SHROOM4: variants seen among roughly 807,000 people sequenced by gnomAD.
SHROOM4 encodes protein Shroom4.
SHROOM4 carries 17 observed loss-of-function variants against 80.3 expected under a neutral mutation model. The ratio of observed to expected loss-of-function variants is 0.21; its 90% confidence interval spans 0.14 to 0.32. SHROOM4 has a LOEUF of 0.32. Ranked by LOEUF, SHROOM4 falls within the 10% of genes least tolerant of loss-of-function variation. The probability of loss-of-function intolerance (pLI) is 1.00; values close to 1 mark genes in which losing one functional copy is unlikely to be tolerated. For synonymous variants in SHROOM4, 400 were observed against 437.5 expected (o/e 0.91, Z 1.07); for missense variants, 993 against 1,140.3 (o/e 0.87, Z 1.86).
intron 6 of SHROOM4, 144 bp from the exon 7 acceptor site, chrX:50,602,957 C>A (rs1929498064): frequency 3.5e-6 from 2 of 573,496 alleles, no homozygotes; most frequent in Admixed American, 6.2e-5. Flanking sequence ...CAAATGTAAA[C>A]AGGCCACATG....
chrX:50,614,065 T>C (rs971991113), intron 5 of SHROOM4, among the ~76,000 whole-genome samples: 1 of 112,264 alleles, frequency 8.9e-6, no homozygotes, highest in Admixed American at 9.4e-5. Flanking sequence ...ATTCAATACG[T>C]AGTTTTAGAA....
At chrX:50,579,326 G>A in the SHROOM4 span, among the ~76,000 whole-genome samples, 9 of 112,028 alleles carry the variant, frequency 8.0e-5, 1 homozygote, top group East Asian at 2.2e-3. Context: ...TGTGTCCTGG[G>A]TGACAGTGGT....
chrX:50,737,567 G>A (rs1237408462), intron 1 of SHROOM4, among the ~76,000 whole-genome samples: 1 of 111,352 alleles, frequency 9.0e-6, no homozygotes, highest in Non-Finnish European at 1.9e-5. Context: ...ACTAATATTA[G>A]ACAAAATGGA....
rs121434620 is a variant in SHROOM4 at position 50,607,876 on chromosome X, G to A, written c.3266C>T (p.Ser1089Leu). The A allele has an allele frequency of 8.3e-7, 1 of 1,209,715 alleles. No individual in the cohort carries two copies. Among genetic ancestry groups the A allele is most frequent in the African/African-American group, 1.7e-5 (1 of 57,708 alleles). ...CTTCTTCCTGGCTCCGAGAAGATCC[G>A]ACTGGGTCTCATCACCTTTGCTAAA... ...ELFSKGDETQSDLLGARKKAF... is the reference protein window; with the variant it reads ...ELFSKGDETQLDLLGARKKAF... The change falls in exon 6 of 9, where the codon TCG becomes TTG. Residue 1089 changes from serine (S) to leucine (L), a missense_variant. Ser to Leu is a moderately radical substitution (Grantham distance 145). Transcript: ENST00000376020.
chrX:50,717,017 C>G (rs1933972203), intron 1 of SHROOM4, among the ~76,000 whole-genome samples: 1 of 112,344 alleles, frequency 8.9e-6, no homozygotes, highest in Non-Finnish European at 1.9e-5. Flanking sequence ...GCCTGCTTCC[C>G]AGGAAGACTA....
intron 2 of SHROOM4, among the ~76,000 whole-genome samples, chrX:50,657,000 A>G (rs1371966731): frequency 2.7e-5 from 3 of 110,579 alleles, no homozygotes; most frequent in Admixed American, 9.7e-5. Flanking sequence ...TTTATTCCTA[A>G]GTATTTTAGA....
In SHROOM4 at chrX:50,589,278, T is replaced by TA. The variant is rs782433637; in HGVS notation, c.*7416dup. 8.9e-6 allele frequency among the ~76,000 whole-genome samples: 1 copy of TA among 112,050 alleles called. No homozygotes were observed. The highest frequency in any genetic ancestry group is 3.2e-5 in the African/African-American group (1 of 30,835). Reference sequence around the variant, plus strand: ...TGATGGAAATAATCAATAGCTTTTTTAAAAAAACACACTTATTGAGAAATA... The same window carrying TA: ...TGATGGAAATAATCAATAGCTTTTTTAAAAAAAACACACTTATTGAGAAATA... On this transcript the variant is annotated 3_prime_UTR_variant, in exon 9 of 9. Transcript: ENST00000376020.
intron 5 of SHROOM4, among the ~76,000 whole-genome samples, chrX:50,616,795 G>A (rs1930257782): frequency 9.0e-6 from 1 of 111,543 alleles, no homozygotes; most frequent in South Asian, 3.8e-4. Flanking sequence ...AAAGGGTTGG[G>A]AGTGCTATGG....
At chrX:50,745,696 T>C (rs1934759645) in intron 1 of SHROOM4, among the ~76,000 whole-genome samples, 2 of 110,783 alleles carry the variant, frequency 1.8e-5, no homozygotes, top group African/African-American at 6.6e-5. Context: ...AATGAAACTA[T>C]AGCTCTATAA....
chrX:50,638,813 T>C (rs1007980367), intron 2 of SHROOM4, among the ~76,000 whole-genome samples: 8 of 112,944 alleles, frequency 7.1e-5, no homozygotes, highest in African/African-American at 2.3e-4. Context: ...CGTGTAACTC[T>C]GGGATTACAG....
intron 5 of SHROOM4, among the ~76,000 whole-genome samples, chrX:50,613,113 A>C (rs782332929): frequency 8.9e-6 from 1 of 112,109 alleles, no homozygotes; most frequent in African/African-American, 3.2e-5. Flanking sequence ...ATTTATCTGG[A>C]AAATTCATCA....
At position 50,652,761 on chromosome X, in the gene SHROOM4, G is replaced by A. The variant is rs1355683618; in HGVS notation, c.270-14453C>T. 4.4e-4 allele frequency among the ~76,000 whole-genome samples: 49 copies of A among 111,911 alleles called. 1 individual carries two copies. The highest frequency in any genetic ancestry group is 1.5e-4 in the Non-Finnish European group (8 of 53,163). On this transcript the variant is annotated intron_variant, in intron 2 of 8. Coordinates refer to ENST00000376020, the MANE Select transcript of SHROOM4 (RefSeq NM_020717.5). ...TTTTTGTATAAGGTGTAAGGAAGGGGTCCAGTTTCAGTTTTCTGCATATGG... is the reference window on the plus strand; with the variant it reads ...TTTTTGTATAAGGTGTAAGGAAGGGATCCAGTTTCAGTTTTCTGCATATGG...
chrX:50,676,586 C>G (rs1932857336), intron 2 of SHROOM4, among the ~76,000 whole-genome samples: 1 of 111,215 alleles, frequency 9.0e-6, no homozygotes, highest in African/African-American at 3.3e-5. Flanking sequence ...ACTTGAATGA[C>G]TTTTCTATCC....
At chrX:50,684,105 A>G (rs895703774) in intron 2 of SHROOM4, among the ~76,000 whole-genome samples, 2 of 112,253 alleles carry the variant, frequency 1.8e-5, no homozygotes, top group East Asian at 2.8e-4. Flanking sequence ...TGCAAAATTC[A>G]TGTTTACCCA....
intron 7 of SHROOM4, among the ~76,000 whole-genome samples, chrX:50,600,511 G>C (rs188976100): frequency 9.8e-5 from 11 of 112,243 alleles, no homozygotes; most frequent in Admixed American, 7.5e-4. Flanking sequence ...GTTGTTATGA[G>C]AATTAAATAA....
At chrX:50,653,457 G>A (rs1557259178) in intron 2 of SHROOM4, among the ~76,000 whole-genome samples, 1 of 111,970 alleles carries the variant, frequency 8.9e-6, no homozygotes. Flanking sequence ...AGCTTAAGGA[G>A]ATTTTGGGCT....
intron 8 of SHROOM4, 151 bp from the exon 9 acceptor site, chrX:50,597,115 A>G: frequency 1.5e-6 from 1 of 658,654 alleles, no homozygotes; most frequent in Non-Finnish European, 2.3e-6. Context: ...CCTGAAGTCT[A>G]CCTCCATGCA....
Position 50,756,003 on chromosome X carries a change from AT to A in SHROOM4, c.117+57898del, listed in dbSNP as rs1935031580. 3.6e-5 allele frequency among the ~76,000 whole-genome samples: 4 copies of A among 112,003 alleles called. No individual in the cohort carries two copies. In the South Asian group the frequency reaches 1.5e-3, roughly 42 times the overall value. On this transcript the variant is annotated intron_variant, in intron 1 of 8. Coordinates refer to ENST00000376020, the MANE Select transcript of SHROOM4 (RefSeq NM_020717.5). ...TGCACTTTAACAACTTAAATATATA[AT>A]TTACATATGATAAAATTCACCCATC...
the SHROOM4 span, among the ~76,000 whole-genome samples, chrX:50,576,865 A>G: frequency 2.7e-5 from 3 of 111,765 alleles, no homozygotes; most frequent in Non-Finnish European, 5.6e-5. Context: ...TTAAATTTCT[A>G]TTCTTCCCCC....
Sources: gnomAD v4.1 joint callset for allele counts (sites outside exome capture counted in the v4.1 genomes callset) on GRCh38, gnomAD v4.1.1 for gene constraint, MANE v1.5 for transcripts, NCBI Gene and HGNC (gene_info 2026-07-23, HGNC 2026-07-21) for gene names.